The following BTC variants were observed in gnomAD, a reference collection of about 807,000 sequenced individuals.
BTC encodes betacellulin.
In BTC, 13 loss-of-function variants were observed where a neutral mutation model predicts 18.1. The ratio of observed to expected loss-of-function variants is 0.72; its 90% CI spans 0.47 to 1.14. The LOEUF (loss-of-function observed/expected upper bound fraction) is 1.14, where lower values mean the gene tolerates loss of function less well. Ranked by LOEUF, BTC falls within the 50% of genes most tolerant of loss-of-function variation. BTC has a pLI of 0.00. For synonymous variants in BTC, 83 were observed against 79.4 expected, an observed-to-expected ratio of 1.05 and a Z score of -0.24; for missense variants, 247 against 224.2, an observed-to-expected ratio of 1.10 and a Z score of -0.65.
intron 1 of BTC, among the ~76,000 whole-genome samples, chr4:74,793,738 C>T (rs2109927320): frequency 6.6e-6 from 1 of 152,296 alleles, no homozygotes; most frequent in East Asian, 1.9e-4. Context: ...CCTGCTACTC[C>T]TCCTCCCGCT....
intron 2 of BTC, among the ~76,000 whole-genome samples, chr4:74,757,046 C>T (rs1039483491): frequency 2.6e-5 from 4 of 152,152 alleles, no homozygotes; most frequent in Non-Finnish European, 5.9e-5. Context: ...AAACTTTCCA[C>T]GTTCATGGTA....
At chr4:74,764,724 G>T (rs1357604548) in intron 2 of BTC, among the ~76,000 whole-genome samples, 1 of 152,186 alleles carries the variant, frequency 6.6e-6, no homozygotes, top group African/African-American at 2.4e-5. Flanking sequence ...AAGTAATGCA[G>T]GAATGGGAAA....
At chr4:74,767,537 C>T (rs1724932116) in intron 2 of BTC, among the ~76,000 whole-genome samples, 1 of 151,806 alleles carries the variant, frequency 6.6e-6, no homozygotes, top group Admixed American at 6.6e-5. Flanking sequence ...TATCAAAATT[C>T]CAATGACTTT....
chr4:74,786,852 G>A (rs1725490795), intron 1 of BTC, among the ~76,000 whole-genome samples: 1 of 152,138 alleles, frequency 6.6e-6, no homozygotes, highest in South Asian at 2.1e-4. Context: ...AAAGCCTTTT[G>A]TGAAAGAATC....
intron 1 of BTC, among the ~76,000 whole-genome samples, chr4:74,772,253 A>C (rs1348320294): frequency 6.6e-6 from 1 of 152,208 alleles, no homozygotes; most frequent in Admixed American, 6.5e-5. Context: ...TGCAACAAGA[A>C]AAAAGGAGTG....
intron 2 of BTC, among the ~76,000 whole-genome samples, chr4:74,767,035 C>T (rs1724918802): frequency 6.6e-6 from 1 of 151,932 alleles, no homozygotes; most frequent in African/African-American, 2.4e-5. Flanking sequence ...CCCAGTCTAA[C>T]CGCTTCTATG....
At position 74,755,757 on chromosome 4, in the gene BTC, C is replaced by T. The variant is rs72867537; in HGVS notation, c.281+102G>A. On this transcript the variant is annotated intron_variant, in intron 3 of 5. Coordinates refer to ENST00000395743, the MANE Select transcript of BTC (RefSeq NM_001729.4). ...GGGCAGGACCAGGCAGAACTGTGTT[C>T]GGACAGATGGCATGGTTAGCTCACA... The T allele has an allele frequency of 7.9e-5, 87 of 1,105,926 alleles. No homozygotes were observed. In the African/African-American group the frequency reaches 1.2e-3, roughly 15 times the overall value. 68.5% of individuals were successfully genotyped at this position (1,105,926 alleles called of 1,614,324 possible).
intron 2 of BTC, among the ~76,000 whole-genome samples, chr4:74,764,988 A>T (rs1391902264): frequency 8.7e-6 from 1 of 114,538 alleles, no homozygotes; most frequent in South Asian, 2.8e-4. Context: ...TTATAAAATC[A>T]TCAGGACTCG....
intron 2 of BTC, among the ~76,000 whole-genome samples, chr4:74,762,768 A>C (rs1553957447): frequency 6.6e-6 from 1 of 152,162 alleles, no homozygotes; most frequent in African/African-American, 2.4e-5. Flanking sequence ...CTACCTATTA[A>C]TTTTACCTGA....
At chr4:74,788,262 G>A (rs1223688798) in intron 1 of BTC, among the ~76,000 whole-genome samples, 4 of 152,046 alleles carry the variant, frequency 2.6e-5, no homozygotes, top group Non-Finnish European at 4.4e-5. Context: ...TGAGATATTT[G>A]AGTCTTAGTG....
chr4:74,770,078 T>C lies in BTC; in HGVS notation c.143A>G (p.Asp48Gly), dbSNP rs1405238953. ...TTTACCTGCACAGTTTTCCTCAGGG[T>C]CTCCACAGAGGAGGCCATTAGTTTC... ...SPETNGLLCG[D>G]PEENCAATTT... The change falls in exon 2 of 6, where the codon GAC (aspartate) becomes GGC (glycine). Residue 48 changes from aspartate to glycine, a missense_variant. Coordinates refer to ENST00000395743, the MANE Select transcript of BTC (RefSeq NM_001729.4). 1 of 1,610,830 alleles carries C rather than the reference T, an allele frequency of 6.2e-7. No homozygotes were observed. The highest frequency in any genetic ancestry group is 1.1e-5 in the South Asian group (1 of 90,298).
chr4:74,759,704 TA>T (rs1422407701), intron 2 of BTC, among the ~76,000 whole-genome samples: 1 of 150,908 alleles, frequency 6.6e-6, no homozygotes, highest in African/African-American at 2.4e-5. Context: ...TCAGTGGATG[TA>T]AAAACCTAAC....
intron 2 of BTC, among the ~76,000 whole-genome samples, chr4:74,768,618 A>C (rs2109898271): frequency 6.6e-6 from 1 of 152,284 alleles, no homozygotes; most frequent in South Asian, 2.1e-4. Context: ...GTTGCTATTC[A>C]ATGTGTACAA....
intron 5 of BTC, 34 bp downstream of exon 5, chr4:74,748,006 A>AATTTAACTG (rs782152196): frequency 7.9e-7 from 1 of 1,258,724 alleles, no homozygotes; most frequent in South Asian, 1.3e-5. Context: ...ATGTCACCTG[A>AATTTAACTG]ATAGTTTTCT....
intron 2 of BTC, among the ~76,000 whole-genome samples, chr4:74,767,967 T>A (rs1348450868): frequency 6.6e-6 from 1 of 152,134 alleles, no homozygotes; most frequent in East Asian, 1.9e-4. Context: ...GACATTGGTT[T>A]TGGCAATGAT....
chr4:74,759,160 A>G (rs2109887756), intron 2 of BTC, among the ~76,000 whole-genome samples: 1 of 152,306 alleles, frequency 6.6e-6, no homozygotes, highest in Admixed American at 6.5e-5. Context: ...ACCTGATAAT[A>G]TAGGGCACGG....
At chr4:74,755,772 G>T in intron 3 of BTC, 87 bp downstream of exon 3, 1 of 1,257,016 alleles carries the variant, frequency 8.0e-7, no homozygotes, top group Non-Finnish European at 1.1e-6. Context: ...AGATGGCATG[G>T]TTAGCTCACA....
intron 2 of BTC, among the ~76,000 whole-genome samples, chr4:74,763,009 ATAAT>A (rs1489143015): frequency 3.3e-5 from 5 of 152,216 alleles, no homozygotes; most frequent in African/African-American, 1.2e-4. Flanking sequence ...AACCAAAGAA[ATAAT>A]TAAGCATTTT....
At chr4:74,765,773 T>A (rs773336076) in intron 2 of BTC, among the ~76,000 whole-genome samples, 7 of 152,126 alleles carry the variant, frequency 4.6e-5, no homozygotes, top group Non-Finnish European at 7.4e-5. Context: ...GAAACCTCCA[T>A]CACACTCAGT....
Sources: allele counts gnomAD v4.1 joint callset (sites outside exome capture counted in the v4.1 genomes callset), GRCh38; gene constraint gnomAD v4.1.1; transcripts MANE v1.5; gene names NCBI Gene and HGNC (gene_info 2026-07-23, HGNC 2026-07-21).